The following COL21A1 variants were observed in gnomAD, a reference collection of about 807,000 sequenced individuals.
The protein encoded by COL21A1 is collagen type XXI alpha 1 chain.
A neutral mutation model predicts 137.9 loss-of-function variants in COL21A1; 149 were observed. The ratio of observed to expected loss-of-function variants is 1.08; its 90% confidence interval spans 0.95 to 1.24. The LOEUF (loss-of-function observed/expected upper bound fraction) is 1.24. Among genes scored for constraint, COL21A1 ranks in the 50% most tolerant of loss-of-function variants. COL21A1 has a pLI of 0.00. For synonymous variants in COL21A1, 456 were observed against 391.5 expected, an observed-to-expected ratio of 1.16 and a Z score of -1.95; for missense variants, 1,167 against 1,158.4, an observed-to-expected ratio of 1.01 and a Z score of -0.11.
At chr6:56,357,230 TATAATGG>T (rs1765855428) in intron 1 of COL21A1, among the ~76,000 whole-genome samples, 1 of 152,178 alleles carries the variant, frequency 6.6e-6, no homozygotes, top group South Asian at 2.1e-4. Context: ...CTCACAAGGT[TATAATGG>T]AAATTAAAGA....
intron 1 of COL21A1, among the ~76,000 whole-genome samples, chr6:56,262,250 C>A (rs1036710479): frequency 5.3e-5 from 8 of 152,156 alleles, no homozygotes; most frequent in African/African-American, 1.7e-4. Flanking sequence ...CTTTGAAATT[C>A]TTAAATAATC....
At chr6:56,211,687 A>C (rs1025211806) in intron 1 of COL21A1, among the ~76,000 whole-genome samples, 7 of 152,096 alleles carry the variant, frequency 4.6e-5, no homozygotes, top group African/African-American at 1.7e-4. Context: ...CACATAATTA[A>C]ATTACTGTGA....
At chr6:56,176,987 A>T (rs1386749707) in intron 3 of COL21A1, among the ~76,000 whole-genome samples, 1 of 148,988 alleles carries the variant, frequency 6.7e-6, no homozygotes, top group Non-Finnish European at 1.5e-5. Context: ...AGGGAGGAAG[A>T]GGGAGGAGGA....
At chr6:56,270,425 CT>C (rs1418003595) in intron 1 of COL21A1, among the ~76,000 whole-genome samples, 3 of 152,192 alleles carry the variant, frequency 2.0e-5, no homozygotes, top group African/African-American at 7.2e-5. Flanking sequence ...AAACAAGTTC[CT>C]CTTGACTGAT....
At chr6:56,252,973 G>C (rs999269039) in intron 1 of COL21A1, among the ~76,000 whole-genome samples, 2 of 152,168 alleles carry the variant, frequency 1.3e-5, no homozygotes, top group African/African-American at 2.4e-5. Context: ...ATAAATCGAA[G>C]AGCCTAATAC....
chr6:56,255,458 T>C (rs563650452), intron 1 of COL21A1, among the ~76,000 whole-genome samples: 1 of 152,140 alleles, frequency 6.6e-6, no homozygotes, highest in East Asian at 1.9e-4. Context: ...GCATGCCTTT[T>C]TTATCAGATG....
upstream of COL21A1, among the ~76,000 whole-genome samples, chr6:56,250,551 C>A (rs1782832267): frequency 6.6e-6 from 1 of 152,138 alleles, no homozygotes; most frequent in African/African-American, 2.4e-5. Context: ...TTGTCAACAA[C>A]CAGTGAGCCT....
chr6:56,075,129 A>G (rs1230474282), intron 19 of COL21A1, among the ~76,000 whole-genome samples: 4 of 151,286 alleles, frequency 2.6e-5, no homozygotes, highest in Non-Finnish European at 4.4e-5. Flanking sequence ...CATTAGTGTA[A>G]TATGTTTGTA....
chr6:56,128,950 C>T (rs1459578316), intron 12 of COL21A1, among the ~76,000 whole-genome samples: 2 of 152,156 alleles, frequency 1.3e-5, no homozygotes, highest in African/African-American at 4.8e-5. Flanking sequence ...CCACCATGCT[C>T]AGCCTACTCC....
intron 1 of COL21A1, among the ~76,000 whole-genome samples, chr6:56,198,809 A>T (rs528126008): frequency 2.0e-5 from 3 of 152,250 alleles, no homozygotes; most frequent in Admixed American, 2.0e-4. Context: ...AAGCTTTAGA[A>T]TATGTATGCT....
At chr6:56,174,114 C>A (rs1777268223) in intron 3 of COL21A1, among the ~76,000 whole-genome samples, 1 of 151,868 alleles carries the variant, frequency 6.6e-6, no homozygotes. Context: ...AAATCAGAGA[C>A]AAAGTTAGAA....
At chr6:56,231,822 T>C (rs1356401649) in intron 1 of COL21A1, among the ~76,000 whole-genome samples, 1 of 151,834 alleles carries the variant, frequency 6.6e-6, no homozygotes, top group African/African-American at 2.4e-5. Flanking sequence ...TACGGTAACA[T>C]TCAGATCATT....
chr6:56,120,899 A>C (rs1383618615), intron 16 of COL21A1, among the ~76,000 whole-genome samples: 1 of 152,146 alleles, frequency 6.6e-6, no homozygotes, highest in African/African-American at 2.4e-5. Context: ...AGCATATTAA[A>C]GGGATATCTG....
chr6:56,182,440 G>T, intron 2 of COL21A1, 91 bp downstream of exon 2: 2 of 788,344 alleles, frequency 2.5e-6, no homozygotes, highest in South Asian at 1.6e-5. Context: ...CAGTAAGAAT[G>T]AGATCCTTAA....
intron 16 of COL21A1, among the ~76,000 whole-genome samples, chr6:56,107,009 G>C (rs1053731427): frequency 6.6e-6 from 1 of 151,968 alleles, no homozygotes; most frequent in Admixed American, 6.6e-5. Flanking sequence ...GGAGGGTCTC[G>C]ATCTCCTAAC....
At position 56,304,568 on chromosome 6, in the gene COL21A1, C is replaced by T. The variant is rs1452705291; in HGVS notation, c.-39+89403G>A. ...ATGGTAGTTTGTATTTCTGTGGGAT[C>T]AGTGGTGATATCCCCTTTATCATTT... On this transcript the variant is annotated intron_variant, in intron 1 of 28. Coordinates refer to the COL21A1 transcript ENST00000370819. Among the ~76,000 whole-genome samples, 13 of 152,284 alleles carry T rather than the reference C, an allele frequency of 8.5e-5. No homozygotes were observed. The East Asian group carries it at 2.3e-3, about 27-fold the overall frequency.
chr6:56,274,574 T>C (rs892630028), intron 1 of COL21A1, among the ~76,000 whole-genome samples: 1 of 152,066 alleles, frequency 6.6e-6, no homozygotes, highest in African/African-American at 2.4e-5. Context: ...CAATTACATT[T>C]AAGCTAAGAG....
chr6:56,130,165 TTATATATATATATA>T (rs201644225), intron 12 of COL21A1, among the ~76,000 whole-genome samples: 47 of 107,942 alleles, frequency 4.4e-4, no homozygotes, highest in African/African-American at 7.2e-4. Context: ...TGACAGGGTT[TTATATATATATATA>T]TATATATATA....
chr6:56,210,834 G>A (rs887128553), intron 1 of COL21A1, among the ~76,000 whole-genome samples: 2 of 152,054 alleles, frequency 1.3e-5, no homozygotes, highest in South Asian at 4.2e-4. Context: ...ATAAATAAAT[G>A]GTATGACAAG....
Sources: allele counts gnomAD v4.1 joint callset (sites outside exome capture counted in the v4.1 genomes callset), GRCh38; gene constraint gnomAD v4.1.1; transcripts MANE v1.5; gene names NCBI Gene and HGNC (gene_info 2026-07-23, HGNC 2026-07-21).